SLC8A1: variants seen among roughly 807,000 people sequenced by gnomAD.
The protein encoded by SLC8A1 is sodium/calcium exchanger 1.
In SLC8A1, 18 loss-of-function variants were observed where a neutral mutation model predicts 68.3. The ratio of observed to expected loss-of-function variants is 0.26; its 90% CI spans 0.18 to 0.39. SLC8A1 has a LOEUF of 0.39. SLC8A1 is among the 10% of genes least tolerant of loss of function. SLC8A1 has a pLI of 1.00. For missense variants in SLC8A1, 985 were observed against 1,156.7 expected (o/e 0.85, Z 2.15); for synonymous variants, 475 against 415.5 (o/e 1.14, Z -1.74).
intron 2 of SLC8A1, among the ~76,000 whole-genome samples, chr2:40,208,078 G>A (rs1193298501): frequency 1.3e-5 from 2 of 152,050 alleles, no homozygotes; most frequent in African/African-American, 2.4e-5. Context: ...ATTCACCTCT[G>A]ACACCTACAG....
At chr2:40,425,942 C>T (rs1264897159) in intron 2 of SLC8A1, among the ~76,000 whole-genome samples, 1 of 151,904 alleles carries the variant, frequency 6.6e-6, no homozygotes, top group Non-Finnish European at 1.5e-5. Flanking sequence ...TTCATTGCAG[C>T]ACTATTCCCA....
At chr2:40,209,096 A>G (rs1042029067) in intron 2 of SLC8A1, 3 of 152,184 alleles carry the variant, frequency 2.0e-5, no homozygotes, top group African/African-American at 7.2e-5. Flanking sequence ...GGTGCATGTA[A>G]TATATAATAA....
At chr2:40,294,860 A>T (rs775961375) in intron 2 of SLC8A1, among the ~76,000 whole-genome samples, 1 of 152,210 alleles carries the variant, frequency 6.6e-6, no homozygotes, top group Non-Finnish European at 1.5e-5. Flanking sequence ...TAAGGAATTC[A>T]ATTTAATATG....
In SLC8A1 at chr2:40,424,464, A is replaced by AT. The variant is rs1005630478; in HGVS notation, c.1808+4008dup. Among the ~76,000 whole-genome samples, 5 of 151,744 alleles carry AT rather than the reference A, an allele frequency of 3.3e-5. No homozygotes were observed. The South Asian group carries it at 6.2e-4, about 19-fold the overall frequency. ...TCCATAGAACCCATATACTACTGAA[A>AT]TTTTTTTTCCTTTCTAGTCTTTTTT... On this transcript the variant is annotated intron_variant, in intron 2 of 7. Coordinates refer to ENST00000406785, the Ensembl canonical transcript of SLC8A1.
intron 2 of SLC8A1, among the ~76,000 whole-genome samples, chr2:40,290,015 A>G (rs2069006918): frequency 6.6e-6 from 1 of 152,118 alleles, no homozygotes; most frequent in Non-Finnish European, 1.5e-5. Context: ...CAAGTGTTTC[A>G]TTGGATAATT....
chr2:40,155,607 T>G (rs1573293091), intron 6 of SLC8A1, among the ~76,000 whole-genome samples: 1 of 152,216 alleles, frequency 6.6e-6, no homozygotes, highest in African/African-American at 2.4e-5. Flanking sequence ...GGTACCATTT[T>G]TATTAAGACT....
intron 2 of SLC8A1, among the ~76,000 whole-genome samples, chr2:40,385,096 C>T (rs1203922905): frequency 6.6e-6 from 1 of 152,042 alleles, no homozygotes; most frequent in African/African-American, 2.4e-5. Context: ...AAAAATTCAA[C>T]TCTTATAGTA....
At chr2:40,309,957 T>C (rs1003989250) in intron 2 of SLC8A1, among the ~76,000 whole-genome samples, 1 of 152,170 alleles carries the variant, frequency 6.6e-6, no homozygotes, top group Non-Finnish European at 1.5e-5. Context: ...AGAAACCCTG[T>C]ACCAATAACC....
chr2:40,252,506 G>T (rs957007321), intron 2 of SLC8A1, among the ~76,000 whole-genome samples: 1 of 151,890 alleles, frequency 6.6e-6, no homozygotes, highest in African/African-American at 2.4e-5. Context: ...CTAATTTTTT[G>T]TGCCTTTAGT....
intron 1 of SLC8A1, among the ~76,000 whole-genome samples, chr2:40,506,463 G>A (rs1371730198): frequency 2.6e-5 from 4 of 151,860 alleles, no homozygotes; most frequent in African/African-American, 9.7e-5. Context: ...ATTCATAAAT[G>A]TTATGTAAAT....
chr2:40,157,316 CTG>C (rs2044729874), intron 6 of SLC8A1, among the ~76,000 whole-genome samples: 1 of 151,370 alleles, frequency 6.6e-6, no homozygotes, highest in African/African-American at 2.4e-5. Context: ...TATGAGCAAA[CTG>C]AGATTCTGAG....
intron 2 of SLC8A1, chr2:40,209,367 G>A (rs2056134297): frequency 6.6e-6 from 1 of 152,362 alleles, no homozygotes; most frequent in Non-Finnish European, 1.5e-5. Flanking sequence ...CCTGTGTAAG[G>A]TTTAAGGACA....
chr2:40,156,087 T>G (rs545923908), intron 6 of SLC8A1, among the ~76,000 whole-genome samples: 1 of 152,338 alleles, frequency 6.6e-6, no homozygotes, highest in East Asian at 1.9e-4. Flanking sequence ...GCTGCTATTG[T>G]GCTGAATATT....
At chr2:40,193,078 T>G (rs2052207397) in intron 2 of SLC8A1, among the ~76,000 whole-genome samples, 1 of 152,140 alleles carries the variant, frequency 6.6e-6, no homozygotes, top group Non-Finnish European at 1.5e-5. Flanking sequence ...TGTCTGTACT[T>G]GAGTTTGTGC....
chr2:40,376,702 G>C (rs1378895381), intron 2 of SLC8A1, among the ~76,000 whole-genome samples: 2 of 152,078 alleles, frequency 1.3e-5, no homozygotes, highest in Non-Finnish European at 2.9e-5. Context: ...AGTGAAATGG[G>C]AGACAAGGAC....
At chr2:40,342,624 G>C (rs1367228216) in intron 2 of SLC8A1, among the ~76,000 whole-genome samples, 2 of 152,114 alleles carry the variant, frequency 1.3e-5, no homozygotes, top group African/African-American at 4.8e-5. Context: ...CTGTTAGATA[G>C]TTTATGATGA....
chr2:40,258,038 T>G (rs1304653728), intron 2 of SLC8A1, among the ~76,000 whole-genome samples: 1 of 152,162 alleles, frequency 6.6e-6, no homozygotes, highest in East Asian at 1.9e-4. Context: ...CTGACAATAA[T>G]TAAGCAAACA....
At chr2:40,456,437 A>G (rs570400262), upstream of SLC8A1, among the ~76,000 whole-genome samples, 1 of 152,192 alleles carries the variant, frequency 6.6e-6, no homozygotes, top group Non-Finnish European at 1.5e-5. Flanking sequence ...AACTTTATCA[A>G]TGGTAACTCA....
Position 40,253,332 on chromosome 2 carries a change from G to GTA in SLC8A1, c.1809-75479_1809-75478dup, listed in dbSNP as rs574383272. Among the ~76,000 whole-genome samples, 780 of 150,634 alleles carry GTA rather than the reference G, an allele frequency of 5.2e-3. 8 individuals are homozygous for GTA. The highest frequency in any genetic ancestry group is 0.018 in the African/African-American group (719 of 41,008). ...CACATATATACACACACATATATGT[G>GTA]TATATATATACACACACAATGGAAT... On this transcript the variant is annotated intron_variant, in intron 2 of 7. Coordinates refer to ENST00000406785, the Ensembl canonical transcript of SLC8A1.
Sources: gnomAD v4.1 joint callset for allele counts (sites outside exome capture counted in the v4.1 genomes callset) on GRCh38, gnomAD v4.1.1 for gene constraint, MANE v1.5 for transcripts, NCBI Gene and HGNC (gene_info 2026-07-23, HGNC 2026-07-21) for gene names.